SNRPN: variants seen among roughly 807,000 people sequenced by gnomAD.
SNRPN encodes the protein small nuclear ribonucleoprotein polypeptide N, also known as small nuclear ribonucleoprotein-associated protein N.
In SNRPN, 7 loss-of-function variants were observed where a neutral mutation model predicts 25.2. That is an observed-to-expected ratio of 0.28 (90% CI 0.16 to 0.52). The LOEUF (loss-of-function observed/expected upper bound fraction) is 0.52. SNRPN is among the 20% of genes least tolerant of loss of function. SNRPN has a pLI of 0.96. For missense variants in SNRPN, 196 were observed against 322.5 expected (o/e 0.61, Z 3.00); for synonymous variants, 124 against 110.6 (o/e 1.12, Z -0.76).
At chr15:24,917,611 G>A (rs1157353733) in intron 2 of SNRPN, among the ~76,000 whole-genome samples, 1 of 152,222 alleles carries the variant, frequency 6.6e-6, no homozygotes, top group Non-Finnish European at 1.5e-5. Flanking sequence ...ATTCTGGGAA[G>A]GTGACGTGTG....
chr15:24,844,396 T>A (rs187690346), intron 2 of SNRPN, among the ~76,000 whole-genome samples: 1 of 152,340 alleles, frequency 6.6e-6, no homozygotes. Flanking sequence ...ATGTATAATT[T>A]TGATATGACC....
chr15:24,856,691 A>G (rs752873), exon 1 of SNRPN: 22,176 of 152,128 alleles, frequency 0.15, 1,842 homozygotes, highest in South Asian at 0.35. Flanking sequence ...CTGATCAAGA[A>G]CACTTAACAG....
intron 2 of SNRPN, among the ~76,000 whole-genome samples, chr15:24,840,504 T>A (rs2051599174): frequency 6.6e-6 from 1 of 152,234 alleles, no homozygotes; most frequent in African/African-American, 2.4e-5. Context: ...CACACAACTG[T>A]GATTTCATCT....
At chr15:24,911,866 T>G (rs878884636) in intron 2 of SNRPN, among the ~76,000 whole-genome samples, 7 of 152,200 alleles carry the variant, frequency 4.6e-5, no homozygotes, top group African/African-American at 1.7e-4. Context: ...ACCCCTGAGT[T>G]CCTAGACCCA....
rs138910214 is a variant in SNRPN, at chr15:24,873,486, T to C, written c.-578-13030T>C. 4.9e-3 allele frequency among the ~76,000 whole-genome samples: 686 copies of C among 139,168 alleles called. 14 individuals carry two copies. The highest frequency in any genetic ancestry group is 0.016 in the African/African-American group (614 of 38,722). 91.3% of individuals were successfully genotyped at this position (139,168 alleles called of 152,430 possible). A position where few individuals can be genotyped will look rare whatever the true frequency, so the allele number is the denominator to read the frequency against. ...TTTTTGAGACAAAGTCTCGCTCTGTTGCCCAGGCTAGAGTGCAGTGGTGCA... is the reference window on the plus strand; with the variant it reads ...TTTTTGAGACAAAGTCTCGCTCTGTCGCCCAGGCTAGAGTGCAGTGGTGCA... On this transcript the variant is annotated intron_variant, in intron 1 of 11. Coordinates refer to the SNRPN transcript ENST00000400097.
chr15:24,925,751 T>C (rs2060336357), intron 3 of SNRPN, among the ~76,000 whole-genome samples: 1 of 151,988 alleles, frequency 6.6e-6, no homozygotes, highest in African/African-American at 2.4e-5. Flanking sequence ...GCTAATTTTT[T>C]TTTTTTTTGA....
At chr15:24,829,114 A>C (rs75243807) in intron 1 of SNRPN, among the ~76,000 whole-genome samples, 12,002 of 152,230 alleles carry the variant, frequency 0.079, 654 homozygotes, top group Middle Eastern at 0.16. Context: ...GAAATTCAAC[A>C]TAAAGGAAGA....
chr15:24,964,021 G>A (rs1429537080), intron 2 of SNRPN, among the ~76,000 whole-genome samples: 1 of 151,874 alleles, frequency 6.6e-6, no homozygotes, highest in Non-Finnish European at 1.5e-5. Context: ...GACAGAATGA[G>A]ATCTAGTCTC....
chr15:24,889,638 A>G (rs1430146504), intron 2 of SNRPN, among the ~76,000 whole-genome samples: 1 of 151,950 alleles, frequency 6.6e-6, no homozygotes, highest in Admixed American at 6.6e-5. Flanking sequence ...TGAACCAGGG[A>G]TGGGATTGTG....
chr15:24,938,477 C>G (rs768556130), intron 3 of SNRPN, among the ~76,000 whole-genome samples: 1 of 151,874 alleles, frequency 6.6e-6, no homozygotes, highest in Non-Finnish European at 1.5e-5. Context: ...AGTGCTAAAT[C>G]TAGCACTGTC....
At position 24,955,040 on chromosome 15, in the gene SNRPN, A is replaced by C. The variant is rs370974348; in HGVS notation, c.-413A>C. 1.4e-5 allele frequency: 23 copies of C among 1,613,114 alleles called. 1 individual carries two copies. The highest frequency in any genetic ancestry group is 1.7e-5 in the Non-Finnish European group (20 of 1,180,008). On this transcript the variant is annotated 5_prime_UTR_variant, in exon 1 of 10. Transcript: ENST00000390687. The stretch of plus-strand genomic sequence containing the variant: ...TGACGCATCTGTCTGAGGAGCGGTC[A>C]GTGACGCGATGGAGCGGGCAAGGTC...
At chr15:24,940,927 T>G (rs2061512161) in intron 3 of SNRPN, among the ~76,000 whole-genome samples, 1 of 152,194 alleles carries the variant, frequency 6.6e-6, no homozygotes, top group African/African-American at 2.4e-5. Flanking sequence ...AGTCTGAAAC[T>G]AGTCTGAAGG....
At chr15:24,896,079 A>G (rs7175161) in intron 2 of SNRPN, among the ~76,000 whole-genome samples, 1,791 of 152,344 alleles carry the variant, frequency 0.012, 38 homozygotes, top group African/African-American at 0.041. Context: ...CACAGAACAC[A>G]TTAGTTCTTT....
intron 2 of SNRPN, among the ~76,000 whole-genome samples, chr15:24,844,130 T>TTGTG (rs2051972142): frequency 7.2e-6 from 1 of 139,780 alleles, no homozygotes; most frequent in East Asian, 2.0e-4. Flanking sequence ...TGTGTGTCTG[T>TTGTG]AGTGTGTGTG....
intron 2 of SNRPN, among the ~76,000 whole-genome samples, chr15:24,841,945 C>T (rs1457655434): frequency 6.6e-6 from 1 of 152,150 alleles, no homozygotes; most frequent in East Asian, 1.9e-4. Context: ...GAACTATGAT[C>T]TGCTGTTTCC....
intron 1 of SNRPN, among the ~76,000 whole-genome samples, chr15:24,884,551 G>C (rs1257780029): frequency 6.6e-6 from 1 of 152,134 alleles, no homozygotes; most frequent in Non-Finnish European, 1.5e-5. Context: ...TCACCACTGT[G>C]CTGGTATGTA....
upstream of SNRPN, among the ~76,000 whole-genome samples, chr15:24,853,211 T>C (rs1176087263): frequency 1.3e-5 from 2 of 152,200 alleles, no homozygotes; most frequent in Non-Finnish European, 2.9e-5. Flanking sequence ...TATCATTCAC[T>C]GCTATCCATG....
At chr15:24,932,047 G>GT in intron 3 of SNRPN, among the ~76,000 whole-genome samples, 1 of 152,040 alleles carries the variant, frequency 6.6e-6, no homozygotes, top group East Asian at 1.9e-4. Context: ...CTCGCACAGA[G>GT]GCCAGGAGAC....
intron 2 of SNRPN, chr15:24,909,177 C>T (rs2059049083): frequency 1.4e-6 from 2 of 1,437,794 alleles, no homozygotes; most frequent in Non-Finnish European, 1.9e-6. Flanking sequence ...TAAGCATTTT[C>T]ATCTTCTTCC....
Sources: gnomAD v4.1 joint callset for allele counts (sites outside exome capture counted in the v4.1 genomes callset) on GRCh38, gnomAD v4.1.1 for gene constraint, MANE v1.5 for transcripts, NCBI Gene and HGNC (gene_info 2026-07-23, HGNC 2026-07-21) for gene names.